KLRG1: variants seen among roughly 807,000 people sequenced by gnomAD.
The protein encoded by KLRG1 is killer cell lectin like receptor G1, also known as killer cell lectin-like receptor subfamily G member 1.
In KLRG1, 16 loss-of-function variants were observed where a neutral mutation model predicts 21.8. The observed-to-expected ratio is 0.73, with a 90% confidence interval of 0.50 to 1.11. KLRG1 has a LOEUF of 1.11. Among genes scored for constraint, KLRG1 ranks in the 50% most tolerant of loss-of-function variants. The pLI, the probability that KLRG1 is intolerant of heterozygous loss-of-function variation, is 0.00. For missense variants in KLRG1, 173 were observed against 218.3 expected, an observed-to-expected ratio of 0.79 and a Z score of 1.31; for synonymous variants, 69 against 75.9, an observed-to-expected ratio of 0.91 and a Z score of 0.47.
the KLRG1 span, chr12:9,196,900 G>A: frequency 2.2e-6 from 2 of 907,314 alleles, no homozygotes; most frequent in Non-Finnish European, 3.4e-6. Flanking sequence ...TCGTTTTTTG[G>A]TGGGGGATAT....
the KLRG1 span, chr12:9,163,899 A>G: frequency 7.2e-7 from 1 of 1,387,530 alleles, no homozygotes; most frequent in Non-Finnish European, 9.7e-7. Flanking sequence ...AGGCTAAAAA[A>G]AAAGAAACCC....
chr12:9,177,231 C>T, the KLRG1 span, among the ~76,000 whole-genome samples: 1 of 152,226 alleles, frequency 6.6e-6, no homozygotes, highest in Non-Finnish European at 1.5e-5. Context: ...TCTTGGAACG[C>T]ATTAGCTCTC....
rs1338899461 is a variant in KLRG1 at position 9,000,923 on chromosome 12, A to T, written c.357+5635A>T. Reference sequence around the variant, plus strand: ...GGCTTACTGACTTTTAGCATTGTGTACTTACACAAAATTATAGGGAAAATT... The same window carrying T: ...GGCTTACTGACTTTTAGCATTGTGTTCTTACACAAAATTATAGGGAAAATT... On this transcript the variant is annotated intron_variant, in intron 3 of 4. Transcript: ENST00000356986. Among the ~76,000 whole-genome samples the T allele has an allele frequency of 2.6e-5, 4 of 152,232 alleles. No individual in the cohort carries two copies. The East Asian group carries it at 7.7e-4, about 29-fold the overall frequency.
chr12:8,966,182 T>C lies in KLRG1; in HGVS notation c.-156+15946T>C, dbSNP rs189590951. Reference sequence around the variant, plus strand: ...CACTTCCTTACACCTTATACAAAAATTAATTCAAGATGGATTAAAGACTTC... The same window carrying C: ...CACTTCCTTACACCTTATACAAAAACTAATTCAAGATGGATTAAAGACTTC... On this transcript the variant is annotated intron_variant, in intron 1 of 4. Transcript: ENST00000539240. Among the ~76,000 whole-genome samples, 370 of 152,264 alleles carry C rather than the reference T, an allele frequency of 2.4e-3. 7 individuals are homozygous for C. In the East Asian group the frequency reaches 0.04, roughly 17 times the overall value.
the KLRG1 span, among the ~76,000 whole-genome samples, chr12:9,103,465 G>T: frequency 6.6e-6 from 1 of 152,060 alleles, no homozygotes; most frequent in Non-Finnish European, 1.5e-5. Context: ...TTATTCTTTA[G>T]TGTACAGTTT....
At chr12:9,025,836 A>C in the KLRG1 span, among the ~76,000 whole-genome samples, 3 of 151,994 alleles carry the variant, frequency 2.0e-5, no homozygotes, top group African/African-American at 7.3e-5. Context: ...GTAAACTGTT[A>C]TTACCTGGTG....
the KLRG1 span, among the ~76,000 whole-genome samples, chr12:9,050,824 C>G: frequency 6.6e-6 from 1 of 152,316 alleles, no homozygotes; most frequent in East Asian, 1.9e-4. Context: ...CCCTCATGGG[C>G]CCAGGAAGGT....
chr12:9,066,971 G>A, the KLRG1 span: 1 of 152,274 alleles, frequency 6.6e-6, no homozygotes, highest in East Asian at 1.9e-4. Flanking sequence ...GGAAATATAT[G>A]TCGCAATACT....
chr12:9,089,865 T>C, the KLRG1 span: 1 of 1,375,554 alleles, frequency 7.3e-7, no homozygotes. Context: ...ATATATTATA[T>C]ATTATTGTGG....
the KLRG1 span, among the ~76,000 whole-genome samples, chr12:9,043,596 C>T: frequency 3.9e-5 from 6 of 152,182 alleles, no homozygotes; most frequent in African/African-American, 1.4e-4. Flanking sequence ...CAAATGGCAG[C>T]TCATAACAAT....
At chr12:9,132,141 G>A in the KLRG1 span, among the ~76,000 whole-genome samples, 1 of 152,188 alleles carries the variant, frequency 6.6e-6, no homozygotes, top group African/African-American at 2.4e-5. Context: ...CAAGCAGGGG[G>A]ATGAAGGTCT....
At chr12:9,055,774 C>T in the KLRG1 span, 2 of 152,618 alleles carry the variant, frequency 1.3e-5, no homozygotes, top group African/African-American at 2.4e-5. Flanking sequence ...AGGATGACTT[C>T]GGGCTTGCCA....
At chr12:9,138,159 A>T in the KLRG1 span, among the ~76,000 whole-genome samples, 1 of 152,038 alleles carries the variant, frequency 6.6e-6, no homozygotes. Context: ...TGGGCCTTTC[A>T]TATATAGCCT....
chr12:9,056,410 G>C, the KLRG1 span, among the ~76,000 whole-genome samples: 1 of 152,148 alleles, frequency 6.6e-6, no homozygotes, highest in African/African-American at 2.4e-5. Flanking sequence ...GATCACGCGG[G>C]TATGTGTTCT....
chr12:8,977,180 T>C (rs1946670104), intron 1 of KLRG1, among the ~76,000 whole-genome samples: 1 of 151,392 alleles, frequency 6.6e-6, no homozygotes, highest in South Asian at 2.1e-4. Flanking sequence ...AGTGAGTTTC[T>C]TGTAGACATT....
chr12:9,056,915 TATA>T, the KLRG1 span, among the ~76,000 whole-genome samples: 1 of 152,260 alleles, frequency 6.6e-6, no homozygotes, highest in Non-Finnish European at 1.5e-5. Flanking sequence ...TAGTTCCTAC[TATA>T]ATTATTTGTA....
the KLRG1 span, among the ~76,000 whole-genome samples, chr12:9,064,053 A>G: frequency 1.3e-5 from 2 of 152,168 alleles, no homozygotes; most frequent in East Asian, 3.8e-4. The surrounding 1 kb of genome is among the most constrained non-coding windows in gnomAD (Gnocchi z 4.0). Flanking sequence ...CCCTGGCTTG[A>G]TACTTAATTT....
chr12:9,026,330 C>T, the KLRG1 span, among the ~76,000 whole-genome samples: 1 of 152,156 alleles, frequency 6.6e-6, no homozygotes, highest in Non-Finnish European at 1.5e-5. Context: ...TCTGTTTTCT[C>T]ATGTTTTGAA....
the KLRG1 span, chr12:9,192,382 T>A: frequency 7.8e-7 from 1 of 1,279,336 alleles, no homozygotes; most frequent in African/African-American, 1.5e-5. Context: ...AGAAAACTCA[T>A]GGAATGAAGG....
Sources: gnomAD v4.1 joint callset for allele counts (sites outside exome capture counted in the v4.1 genomes callset) on GRCh38, gnomAD v4.1.1 for gene constraint, Gnocchi (gnomAD v3.1) non-coding constraint, MANE v1.5 for transcripts, NCBI Gene and HGNC (gene_info 2026-07-23, HGNC 2026-07-21) for gene names.